Variants in NUP188 observed in about 807,000 individuals in gnomAD.
NUP188 encodes the protein nucleoporin 188.
In NUP188, 97 loss-of-function variants were observed where a neutral mutation model predicts 223.0. That is an observed-to-expected ratio of 0.43 (90% confidence interval 0.37 to 0.51). The LOEUF is 0.51. Among genes scored for constraint, NUP188 ranks in the 20% least tolerant of loss-of-function variants. The pLI is 0.00. For missense variants in NUP188, 1,947 were observed against 2,175.6 expected, an observed-to-expected ratio of 0.89 and a Z score of 2.09; for synonymous variants, 869 against 828.0, an observed-to-expected ratio of 1.05 and a Z score of -0.85.
chr9:128,983,022 T>C lies in NUP188; in HGVS notation c.1790T>C (p.Leu597Pro). 6.2e-7 allele frequency: 1 copy of C among 1,614,108 alleles called. No homozygotes were observed. Among genetic ancestry groups the C allele is most frequent in the Non-Finnish European group, 8.5e-7 (1 of 1,180,024 alleles). ...ATCACATCTCGCATCTACATGCTGC[T>C]GCAGCGGTGAGTCTGTCTTGGCTGA... ...LPITSRIYMLLQRLTTVISPP... is the reference protein window; with the variant it reads ...LPITSRIYMLPQRLTTVISPP... The change falls in exon 17 of 44, where the codon CTG becomes CCG. Residue 597 changes from leucine (L) to proline (P), a missense_variant. Around this residue, in one of 3 missense-constraint regions of NUP188, gnomAD observed 817 missense variants for 865.8 expected, o/e 0.94. Transcript: ENST00000372577.
intron 8 of NUP188, among the ~76,000 whole-genome samples, chr9:128,968,176 G>T (rs1200525039): frequency 6.6e-6 from 1 of 152,060 alleles, no homozygotes; most frequent in African/African-American, 2.4e-5. Flanking sequence ...TCAGGTGAGA[G>T]GGCAGCTGCC....
intron 8 of NUP188, 22 bp downstream of exon 8, chr9:128,959,156 C>A: frequency 6.5e-7 from 1 of 1,546,388 alleles, no homozygotes. Flanking sequence ...CTGTGCTCTC[C>A]TGTAACTTTT....
rs1237743659 is a variant in NUP188, at chr9:129,006,406, G to C, written c.5073+38G>C. The C allele has an allele frequency of 2.5e-6, 4 of 1,613,874 alleles. No homozygotes were observed. The African/African-American group carries it at 5.3e-5, about 22-fold the overall frequency. On this transcript the variant is annotated intron_variant, in intron 43 of 43. Transcript: ENST00000372577. ...AGGGATACGGAGGGCTGGACCAATA[G>C]GGCCAGAGCCCTGTGGGGTCCTGCC... is the stretch of plus-strand genomic sequence containing the variant.
intron 30 of NUP188, among the ~76,000 whole-genome samples, chr9:128,995,757 C>T (rs1056892775): frequency 2.6e-5 from 4 of 152,166 alleles, no homozygotes; most frequent in South Asian, 2.1e-4. Flanking sequence ...CCTAAAGCCT[C>T]CTGTACCTCC....
rs1044136595 is a variant in NUP188, at chr9:128,982,946, G to A, written c.1714G>A (p.Val572Ile). 11 of 1,613,964 alleles carry A rather than the reference G, an allele frequency of 6.8e-6. No homozygotes were observed. Among genetic ancestry groups the A allele is most frequent in the African/African-American group, 5.3e-5 (4 of 74,882 alleles). ...GCGAGTCAAACCCATCATTGATCTCGTCCATAAGGTCATCAGTACAGACCT... is the reference window on the plus strand; with the variant it reads ...GCGAGTCAAACCCATCATTGATCTCATCCATAAGGTCATCAGTACAGACCT... ...CQRVKPIIDL[V>I]HKVISTDLSI... The change falls in exon 17 of 44, where the codon GTC becomes ATC. Residue 572 changes from valine (V) to isoleucine (I), a missense_variant. Coordinates refer to ENST00000372577, the MANE Select transcript of NUP188 (RefSeq NM_015354.3).
At chr9:128,948,744 G>C (rs1336543080) in intron 1 of NUP188, 3 of 7,302 alleles carry the variant, frequency 4.1e-4, no homozygotes, top group African/African-American at 8.8e-4. Flanking sequence ...TTTTTTTTTT[G>C]AGACGGAGTC....
intron 8 of NUP188, among the ~76,000 whole-genome samples, chr9:128,964,447 G>A (rs1231182283): frequency 4.7e-5 from 7 of 148,836 alleles, no homozygotes; most frequent in African/African-American, 9.9e-5. Flanking sequence ...CTGCAGCCTC[G>A]ACCTCCCTGA....
chr9:128,979,196 A>G (rs1049592701), intron 12 of NUP188, 66 bp from the exon 13 acceptor site: 1 of 1,186,620 alleles, frequency 8.4e-7, no homozygotes, highest in Non-Finnish European at 1.2e-6. Context: ...TCAACAGAAT[A>G]CAATAATAAA....
Position 128,968,670 on chromosome 9 carries a change from T to C in NUP188, c.750T>C (p.Asn250=), listed in dbSNP as rs771297396. The C allele has an allele frequency of 7.4e-6, 12 of 1,614,150 alleles. No homozygotes were observed. In the South Asian group the frequency reaches 1.2e-4, roughly 16 times the overall value. The change falls in exon 9 of 44, where the codon AAT becomes AAC. Residue 250 remains asparagine, a synonymous_variant. Transcript: ENST00000372577. The part of the protein sequence containing the change: ...KEQGFGSRQT[N]RHLVDETMDP... The stretch of plus-strand genomic sequence containing the variant: ...AAGGATTTGGTAGTAGGCAGACCAA[T>C]AGGCACCTGGTGGATGAGACTATGG...
intron 34 of NUP188, 86 bp downstream of exon 34, chr9:128,999,891 C>T (rs1842610248): frequency 4.7e-6 from 6 of 1,277,982 alleles, no homozygotes; most frequent in Non-Finnish European, 5.5e-6. Context: ...GTGATCAAGA[C>T]AGATAGTCGC....
chr9:128,988,187 G>T lies in NUP188; in HGVS notation c.2533+1G>T. The T allele has an allele frequency of 6.2e-7, 1 of 1,613,884 alleles. No individual in the cohort carries two copies. The highest frequency in any genetic ancestry group is 8.5e-7 in the Non-Finnish European group (1 of 1,179,934). On this transcript the variant is annotated splice_donor_variant, in intron 24 of 43. Coordinates refer to ENST00000372577, the MANE Select transcript of NUP188 (RefSeq NM_015354.3). LOFTEE classifies it high-confidence loss of function. ...CTGGAACAGGCTCTCTCACAACATGGTATGTATTTCTCTTCCAGTCACAAC... is the reference window on the plus strand; with the variant it reads ...CTGGAACAGGCTCTCTCACAACATGTTATGTATTTCTCTTCCAGTCACAAC...
chr9:128,984,843 T>G, intron 19 of NUP188, 57 bp from the exon 20 acceptor site: 2 of 1,219,250 alleles, frequency 1.6e-6, no homozygotes, highest in Non-Finnish European at 2.4e-6. Context: ...CTATGATTAG[T>G]TTCTTGAAAC....
chr9:128,970,663 T>G, intron 10 of NUP188, 95 bp from the exon 11 acceptor site: 1 of 1,059,674 alleles, frequency 9.4e-7, no homozygotes, highest in Admixed American at 1.9e-5. Flanking sequence ...GAGGCCACTC[T>G]TTATGGCTTG....
In NUP188 at chr9:129,001,980, A is replaced by C. The variant is rs1842679897; in HGVS notation, c.4137+4A>C. 1 of 1,613,238 alleles carries C rather than the reference A, an allele frequency of 6.2e-7. No individual in the cohort carries two copies. The highest frequency in any genetic ancestry group is 1.7e-5 in the Admixed American group (1 of 60,018). On this transcript the variant is annotated splice_donor_region_variant and intron_variant, in intron 36 of 43. Transcript: ENST00000372577. Reference sequence around the variant, plus strand: ...GAGCACCAACGGCACAGCACAGGTGAGTGTCAGGAGCTTGCCAGGAGGCCC... The same window carrying C: ...GAGCACCAACGGCACAGCACAGGTGCGTGTCAGGAGCTTGCCAGGAGGCCC...
At position 128,982,702 on chromosome 9, in the gene NUP188, G is replaced by T. The variant is rs1251329893; in HGVS notation, c.1669+1G>T. The T allele has an allele frequency of 6.2e-7, 1 of 1,613,534 alleles. No individual in the cohort carries two copies. Among genetic ancestry groups the T allele is most frequent in the Non-Finnish European group, 8.5e-7 (1 of 1,179,868 alleles). ...TTGCTTCATGTTGTTTCAACTGCAG[G>T]TAAGGTCAGCTTTCGGAAACATCAC... On this transcript the variant is annotated splice_donor_variant, in intron 16 of 43. Coordinates refer to ENST00000372577, the MANE Select transcript of NUP188 (RefSeq NM_015354.3). LOFTEE classifies it high-confidence loss of function.
Position 128,970,746 on chromosome 9 carries a change from T to G in NUP188, c.913-12T>G. 6.2e-7 allele frequency: 1 copy of G among 1,612,476 alleles called. No homozygotes were observed. The highest frequency in any genetic ancestry group is 8.5e-7 in the Non-Finnish European group (1 of 1,178,486). ...TGTTCGGAGATGTAGATGTGTTTTC[T>G]TCTCTCACTAGGATATGGACTGTTT... On this transcript the variant is annotated splice_polypyrimidine_tract_variant and intron_variant, in intron 10 of 43. Coordinates refer to ENST00000372577, the MANE Select transcript of NUP188 (RefSeq NM_015354.3).
chr9:128,950,114 G>A (rs1841760424), intron 2 of NUP188, among the ~76,000 whole-genome samples: 1 of 151,736 alleles, frequency 6.6e-6, no homozygotes, highest in Admixed American at 6.6e-5. Flanking sequence ...GTAGAGACAG[G>A]GTTTTGCCAT....
intron 12 of NUP188, among the ~76,000 whole-genome samples, chr9:128,977,714 G>A (rs1842195415): frequency 6.6e-6 from 1 of 151,956 alleles, no homozygotes; most frequent in Admixed American, 6.6e-5. Context: ...CAGGAGAATT[G>A]CTTAAACCGG....
chr9:128,950,492 A>G (rs1358897922), intron 2 of NUP188, among the ~76,000 whole-genome samples: 1 of 152,180 alleles, frequency 6.6e-6, no homozygotes. Context: ...AAGTGCTTGG[A>G]TTGCAGGCAT....
Sources: gnomAD v4.1 joint callset for allele counts (sites outside exome capture counted in the v4.1 genomes callset) on GRCh38, gnomAD v4.1.1 for gene constraint, gnomAD v4.1.1 regional missense constraint, MANE v1.5 for transcripts, NCBI Gene and HGNC (gene_info 2026-07-23, HGNC 2026-07-21) for gene names.